Variants in FREM3 observed in about 807,000 individuals in gnomAD.
FREM3 encodes FRAS1-related extracellular matrix protein 3.
In FREM3, 105 loss-of-function variants were observed where a neutral mutation model predicts 129.1. The ratio of observed to expected loss-of-function variants is 0.81; its 90% CI spans 0.69 to 0.96. The LOEUF (loss-of-function observed/expected upper bound fraction) is 0.96, where lower values mean the gene tolerates loss of function less well. FREM3 is among the 40% of genes least tolerant of loss of function. FREM3 has a pLI of 0.00. For missense variants in FREM3, 2,593 were observed against 2,666.3 expected (o/e 0.97, Z 0.61); for synonymous variants, 1,014 against 1,044.9 (o/e 0.97, Z 0.57).
chr4:143,583,694 A>G (rs1738187481), intron 7 of FREM3, among the ~76,000 whole-genome samples: 1 of 152,150 alleles, frequency 6.6e-6, no homozygotes, highest in Non-Finnish European at 1.5e-5. Flanking sequence ...CAAGAATTTT[A>G]TATCCAGCCA....
intron 4 of FREM3, among the ~76,000 whole-genome samples, chr4:143,623,499 C>T (rs1034888422): frequency 7.5e-6 from 1 of 133,202 alleles, no homozygotes; most frequent in East Asian, 2.4e-4. Flanking sequence ...CTAATCCCCC[C>T]CCCCCCCCAC....
chr4:143,594,212 C>T (rs1386654023), intron 6 of FREM3, among the ~76,000 whole-genome samples: 1 of 152,220 alleles, frequency 6.6e-6, no homozygotes, highest in Admixed American at 6.5e-5. Context: ...CCATCTCACA[C>T]ACGGTGCACT....
intron 2 of FREM3, among the ~76,000 whole-genome samples, chr4:143,644,177 A>ATGTGTGTGTG (rs10578943): frequency 6.7e-6 from 1 of 149,340 alleles, no homozygotes; most frequent in African/African-American, 2.5e-5. Flanking sequence ...TGCTCTGCAT[A>ATGTGTGTGTG]TGTGTGTGTG....
chr4:143,688,489 A>C (rs1345819531), intron 2 of FREM3, among the ~76,000 whole-genome samples: 1 of 152,138 alleles, frequency 6.6e-6, no homozygotes, highest in Admixed American at 6.5e-5. Context: ...CCATCAAAAT[A>C]CCACCATAAT....
intron 6 of FREM3, among the ~76,000 whole-genome samples, chr4:143,591,451 A>G (rs995932159): frequency 2.6e-5 from 4 of 152,092 alleles, no homozygotes; most frequent in African/African-American, 7.2e-5. Flanking sequence ...CTTTGTTCTC[A>G]TTGGTTTCAA....
intron 6 of FREM3, among the ~76,000 whole-genome samples, chr4:143,595,450 C>G (rs1738451969): frequency 6.6e-6 from 1 of 152,134 alleles, no homozygotes; most frequent in Non-Finnish European, 1.5e-5. Flanking sequence ...TGAGCATCCC[C>G]TATGTGCTGT....
At chr4:143,611,604 A>G in intron 5 of FREM3, 77 bp from the exon 6 acceptor site, 3 of 1,332,158 alleles carry the variant, frequency 2.3e-6, no homozygotes, top group South Asian at 2.9e-5. Context: ...GTTTTCTTTA[A>G]TGTATTTTTA....
chr4:143,641,470 C>T (rs562206036), intron 2 of FREM3, among the ~76,000 whole-genome samples: 12 of 152,210 alleles, frequency 7.9e-5, no homozygotes, highest in Non-Finnish European at 1.5e-4. Flanking sequence ...TGGATGACCT[C>T]TGGTTGAGAC....
intron 2 of FREM3, among the ~76,000 whole-genome samples, chr4:143,684,497 T>C (rs1486168172): frequency 6.6e-6 from 1 of 152,172 alleles, no homozygotes; most frequent in Non-Finnish European, 1.5e-5. Flanking sequence ...GACAAAAGAA[T>C]CTGAACAGCA....
In FREM3 at chr4:143,577,795, A is replaced by T; in HGVS notation, c.6236T>A (p.Met2079Lys). 1 of 1,537,338 alleles carries T rather than the reference A, an allele frequency of 6.5e-7. No homozygotes were observed. Among genetic ancestry groups the T allele is most frequent in the Non-Finnish European group, 8.7e-7 (1 of 1,146,922 alleles). Reference protein sequence around the residue: ...RNLDFAPGVRMQTFQVTILDD... With the variant: ...RNLDFAPGVRKQTFQVTILDD... The stretch of plus-strand genomic sequence containing the variant: ...AAGGATGGTCACTTGGAATGTCTGC[A>T]TGCGCACGCCTGGAGCAAAGTCCAG... Residue 2079 changes from methionine (M) to lysine (K), a missense_variant, in exon 8 of 8, where the codon ATG becomes AAG. Met to Lys is a moderately conservative substitution (Grantham distance 95). Around this residue, in one of 2 missense-constraint regions of FREM3, gnomAD observed 317 missense variants for 399.0 expected, o/e 0.79. Coordinates refer to ENST00000329798, the MANE Select transcript of FREM3 (RefSeq NM_001168235.2).
intron 2 of FREM3, among the ~76,000 whole-genome samples, chr4:143,675,568 C>T (rs1166367728): frequency 6.6e-6 from 1 of 152,052 alleles, no homozygotes; most frequent in African/African-American, 2.4e-5. Context: ...GATAGAGACA[C>T]AAAAAACCCT....
At chr4:143,612,983 G>A (rs1380900686) in intron 5 of FREM3, among the ~76,000 whole-genome samples, 2 of 152,122 alleles carry the variant, frequency 1.3e-5, no homozygotes, top group Non-Finnish European at 2.9e-5. Context: ...TGACACCAAT[G>A]CCCACTGTCA....
chr4:143,688,130 A>G (rs1740400845), intron 2 of FREM3, among the ~76,000 whole-genome samples: 1 of 152,206 alleles, frequency 6.6e-6, no homozygotes, highest in Non-Finnish European at 1.5e-5. Flanking sequence ...ACTCCTCCAG[A>G]AAGTGCCTAG....
intron 2 of FREM3, among the ~76,000 whole-genome samples, chr4:143,630,903 A>G (rs1416543103): frequency 1.3e-5 from 2 of 152,170 alleles, no homozygotes; most frequent in Non-Finnish European, 2.9e-5. Flanking sequence ...AGGGAAGTAA[A>G]TAGCTAAGTA....
chr4:143,614,829 T>C (rs1027331985), intron 5 of FREM3, among the ~76,000 whole-genome samples: 10 of 152,190 alleles, frequency 6.6e-5, no homozygotes, highest in African/African-American at 2.4e-4. Flanking sequence ...ACTATCAATG[T>C]GAAGTCACTG....
chr4:143,673,523 A>G (rs1428119519), intron 2 of FREM3, among the ~76,000 whole-genome samples: 2 of 152,150 alleles, frequency 1.3e-5, no homozygotes, highest in African/African-American at 4.8e-5. Context: ...CCTCCCAGAT[A>G]GGCTATTCGT....
chr4:143,700,297 T>C lies in FREM3; in HGVS notation c.379A>G (p.Thr127Ala). 1.3e-6 allele frequency: 2 copies of C among 1,535,522 alleles called. No individual in the cohort carries two copies. The highest frequency in any genetic ancestry group is 8.7e-7 in the Non-Finnish European group (1 of 1,146,232). Residue 127 changes from threonine (T) to alanine (A), a missense_variant, in exon 1 of 8, where the codon ACT becomes GCT. Physicochemically the swap from Thr to Ala is moderately conservative, Grantham distance 58. Around this residue, in one of 2 missense-constraint regions of FREM3, gnomAD observed 2,276 missense variants for 2,267.2 expected, o/e 1.00. Transcript: ENST00000329798. ...CCGGGGCTGTGGGAGCCGAAGTGAG[T>C]GTACTGGACTTGGCGGGGCCCGAAG... ...CTFGPRQVQY[T>A]HFGSHSPGRA...
intron 2 of FREM3, among the ~76,000 whole-genome samples, chr4:143,662,679 G>C (rs1052172503): frequency 2.0e-5 from 3 of 152,102 alleles, no homozygotes; most frequent in East Asian, 1.9e-4. Flanking sequence ...TGTTGACAGT[G>C]GGGTGTTAAA....
At chr4:143,611,154 G>T in intron 6 of FREM3, 125 bp downstream of exon 6, 3 of 1,054,518 alleles carry the variant, frequency 2.8e-6, no homozygotes, top group Non-Finnish European at 4.0e-6. Flanking sequence ...CACAGTTTTT[G>T]GAGATAAAAG....
Sources: allele counts gnomAD v4.1 joint callset (sites outside exome capture counted in the v4.1 genomes callset), GRCh38; gene constraint gnomAD v4.1.1; regional missense constraint gnomAD v4.1.1; transcripts MANE v1.5; gene names NCBI Gene and HGNC (gene_info 2026-07-23, HGNC 2026-07-21).